Variants in SPINK5 observed in about 807,000 individuals in gnomAD.
SPINK5 encodes the protein serine protease inhibitor Kazal-type 5.
Under a neutral mutation model 151.8 loss-of-function variants are expected in SPINK5, and 125 were observed. The ratio of observed to expected loss-of-function variants is 0.82; its 90% CI spans 0.71 to 0.96. SPINK5 has a LOEUF of 0.96. SPINK5 is among the 40% of genes least tolerant of loss of function. The pLI is 0.00. For missense variants in SPINK5, 1,194 were observed against 1,291.9 expected, an observed-to-expected ratio of 0.92 and a Z score of 1.16; for synonymous variants, 374 against 395.3, an observed-to-expected ratio of 0.95 and a Z score of 0.64.
chr5:148,097,335 C>G (rs972320288), intron 10 of SPINK5, among the ~76,000 whole-genome samples: 1 of 151,930 alleles, frequency 6.6e-6, no homozygotes, highest in Admixed American at 6.6e-5. Flanking sequence ...GACCATTTCC[C>G]AAATATTATT....
intron 21 of SPINK5, among the ~76,000 whole-genome samples, chr5:148,114,781 T>G (rs922697435): frequency 6.6e-6 from 1 of 152,216 alleles, no homozygotes; most frequent in Non-Finnish European, 1.5e-5. Context: ...AGTGGATCCT[T>G]TCTCTGGATT....
chr5:148,122,351 T>G (rs2113203620), intron 26 of SPINK5, among the ~76,000 whole-genome samples: 1 of 152,314 alleles, frequency 6.6e-6, no homozygotes, highest in South Asian at 2.1e-4. Flanking sequence ...TTCCAGAGAA[T>G]TTTTTAAAAT....
At chr5:148,071,738 A>C (rs985900590) in intron 3 of SPINK5, among the ~76,000 whole-genome samples, 1 of 152,090 alleles carries the variant, frequency 6.6e-6, no homozygotes. Flanking sequence ...AGATTCCTAA[A>C]GAACTGGCTT....
rs752179828 is a variant in SPINK5 at position 148,072,173 on chromosome 5, AGG to A, written c.237_238del (p.Arg79SerfsTer19). The A allele has an allele frequency of 1.2e-6, 2 of 1,612,368 alleles. No homozygotes were observed. Among genetic ancestry groups the A allele is most frequent in the Non-Finnish European group, 1.7e-6 (2 of 1,178,800 alleles). On this transcript the variant is annotated frameshift_variant, in exon 4 of 33. Transcript: ENST00000256084. LOFTEE classifies it high-confidence loss of function. ...ILEKEAKSQKRARHLARAPKA... is the reference protein window; with the variant it reads ...ILEKEAKSQKXARHLARAPKA... Reference sequence around the variant, plus strand: ...GGAAAAAGAAGCAAAATCACAGAAGAGGGCCAGGCATTTAGCAAGAGCTCCCA... The same window carrying A: ...GGAAAAAGAAGCAAAATCACAGAAGAGCCAGGCATTTAGCAAGAGCTCCCA...
intron 29 of SPINK5, 25 bp from the exon 30 acceptor site, chr5:148,126,958 A>C: frequency 6.4e-7 from 1 of 1,554,996 alleles, no homozygotes. Context: ...TCTTATTTTA[A>C]ATTATTTTTT....
At chr5:148,101,248 A>C (rs1235003615) in intron 13 of SPINK5, 107 bp from the exon 14 acceptor site, 6 of 839,172 alleles carry the variant, frequency 7.1e-6, no homozygotes, top group Admixed American at 6.1e-5. Flanking sequence ...CATCACATTC[A>C]AAGAATTTAA....
intron 8 of SPINK5, 117 bp from the exon 9 acceptor site, chr5:148,094,237 C>G: frequency 8.6e-7 from 1 of 1,156,434 alleles, no homozygotes; most frequent in Non-Finnish European, 1.3e-6. Context: ...AGAGGCTTCA[C>G]TGAGCTATGA....
chr5:148,093,847 A>G lies in SPINK5; in HGVS notation c.667-507A>G, dbSNP rs186115654. On this transcript the variant is annotated intron_variant, in intron 8 of 32. Coordinates refer to ENST00000256084, the MANE Select transcript of SPINK5 (RefSeq NM_006846.4). ...TCTTTTAATAAACCTACCACATAAC[A>G]GATACAAGTGCCAAGTAGTTGACAA... Among the ~76,000 whole-genome samples, 6 of 152,080 alleles carry G rather than the reference A, an allele frequency of 3.9e-5. No individual in the cohort carries two copies. The East Asian group carries it at 1.2e-3, about 30-fold the overall frequency.
chr5:148,084,441 C>A (rs1753101041), intron 4 of SPINK5, among the ~76,000 whole-genome samples: 2 of 151,928 alleles, frequency 1.3e-5, no homozygotes, highest in Admixed American at 1.3e-4. Context: ...TGATCCACCA[C>A]CTAGGGGTTT....
intron 7 of SPINK5, 60 bp downstream of exon 7, chr5:148,089,681 A>G (rs1581068439): frequency 1.2e-6 from 2 of 1,608,976 alleles, no homozygotes; most frequent in Admixed American, 3.3e-5. Flanking sequence ...TGTCCCGAGA[A>G]TCACTCAGCA....
At chr5:148,104,813 T>C in intron 15 of SPINK5, 139 bp from the exon 16 acceptor site, 2 of 661,012 alleles carry the variant, frequency 3.0e-6, no homozygotes, top group South Asian at 3.7e-5. Context: ...GGAGAATTGC[T>C]TGAACCCGGG....
At chr5:148,091,318 T>C (rs1260184609) in intron 8 of SPINK5, 90 bp downstream of exon 8, 5 of 1,034,274 alleles carry the variant, frequency 4.8e-6, no homozygotes, top group East Asian at 2.6e-5. Context: ...AATAAAGTCA[T>C]TGTCTTTTAT....
At chr5:148,114,843 C>T (rs1754043757) in intron 21 of SPINK5, among the ~76,000 whole-genome samples, 1 of 152,128 alleles carries the variant, frequency 6.6e-6, no homozygotes, top group Admixed American at 6.5e-5. Flanking sequence ...TGTCAAAGTC[C>T]TTACCTACAT....
intron 23 of SPINK5, 108 bp from the exon 24 acceptor site, chr5:148,118,878 C>A: frequency 8.7e-7 from 1 of 1,146,824 alleles, no homozygotes; most frequent in Non-Finnish European, 1.3e-6. Context: ...CATTGACCAG[C>A]ACAGTTGAAG....
rs773388752 is a variant in SPINK5, at chr5:148,123,822, A to G, written c.2539-11A>G. 5.6e-6 allele frequency: 9 copies of G among 1,613,826 alleles called. No homozygotes were observed. The South Asian group carries it at 8.8e-5, about 16-fold the overall frequency. On this transcript the variant is annotated splice_polypyrimidine_tract_variant and intron_variant, in intron 26 of 32. Coordinates refer to ENST00000256084, the MANE Select transcript of SPINK5 (RefSeq NM_006846.4). ...CATGACAGTAACAACTTTTTCTGCT[A>G]CTGTTGGTAGGATCTGTGTCGTGAA...
chr5:148,074,769 C>T (rs889212258), intron 4 of SPINK5, among the ~76,000 whole-genome samples: 1 of 151,610 alleles, frequency 6.6e-6, no homozygotes, highest in South Asian at 2.1e-4. Context: ...TTTCTAAACT[C>T]ATGAGCATAG....
chr5:148,079,398 A>G (rs769054005), intron 4 of SPINK5, among the ~76,000 whole-genome samples: 3 of 151,216 alleles, frequency 2.0e-5, no homozygotes, highest in Non-Finnish European at 3.0e-5. Flanking sequence ...GACACTTTAC[A>G]GCTCATTATA....
At chr5:148,102,483 G>A (rs1323037246) in intron 15 of SPINK5, among the ~76,000 whole-genome samples, 1 of 152,032 alleles carries the variant, frequency 6.6e-6, no homozygotes, top group Non-Finnish European at 1.5e-5. Flanking sequence ...ACATCACACT[G>A]AATTCAATTA....
intron 17 of SPINK5, among the ~76,000 whole-genome samples, chr5:148,107,492 CTGACAT>C (rs1753813642): frequency 1.3e-5 from 2 of 152,178 alleles, no homozygotes; most frequent in South Asian, 4.2e-4. Context: ...TTTCCCACTC[CTGACAT>C]TTTATGATTT....
Sources: gnomAD v4.1 joint callset for allele counts (sites outside exome capture counted in the v4.1 genomes callset) on GRCh38, gnomAD v4.1.1 for gene constraint, MANE v1.5 for transcripts, NCBI Gene and HGNC (gene_info 2026-07-23, HGNC 2026-07-21) for gene names.